The following PARL variants were observed in gnomAD, a reference collection of about 807,000 sequenced individuals.
PARL encodes presenilin associated rhomboid like.
A neutral mutation model predicts 51.6 loss-of-function variants in PARL; 44 were observed. That is an observed-to-expected ratio of 0.85 (90% CI 0.67 to 1.10). The LOEUF (loss-of-function observed/expected upper bound fraction) is 1.10. Ranked by LOEUF, PARL falls within the 50% of genes least tolerant of loss-of-function variation. The probability of loss-of-function intolerance (pLI) is 0.00; values close to 1 mark genes in which losing one functional copy is unlikely to be tolerated. For synonymous variants in PARL, 172 were observed against 164.0 expected (o/e 1.05, Z -0.37); for missense variants, 441 against 469.5 (o/e 0.94, Z 0.56).
At chr3:183,832,116 T>A (rs1728008618) in intron 9 of PARL, among the ~76,000 whole-genome samples, 1 of 152,194 alleles carries the variant, frequency 6.6e-6, no homozygotes, top group Non-Finnish European at 1.5e-5. Context: ...AGACCTTGCA[T>A]ATACTACATA....
chr3:183,866,641 CCTT>C lies in PARL; in HGVS notation c.443_445del (p.Glu148del), dbSNP rs781589840. On this transcript the variant is annotated inframe_deletion, in exon 3 of 10. Coordinates refer to ENST00000317096, the MANE Select transcript of PARL (RefSeq NM_018622.7). ...TATCTTTACCTCCTTTCTGAAGTCT[CCTT>C]CTTTTTGTGGTCTTATGCTATCCAA... 16 of 1,611,620 alleles carry C rather than the reference CCTT, an allele frequency of 9.9e-6. No homozygotes were observed. In the Admixed American group the frequency reaches 1.7e-4, roughly 17 times the overall value.
intron 7 of PARL, among the ~76,000 whole-genome samples, chr3:183,835,694 C>A (rs1227227806): frequency 2.0e-5 from 3 of 152,034 alleles, no homozygotes; most frequent in Non-Finnish European, 2.9e-5. Flanking sequence ...TAGTGAAACC[C>A]CGTCTCTACT....
rs188569462 is a variant in PARL at position 183,859,367 on chromosome 3, T to C, written c.511+3386A>G. ...TTTGTTGTTGTTTTGAGACAGAGTC[T>C]CACTCTACTGCCCAGGCTGGAGGGC... On this transcript the variant is annotated intron_variant, in intron 4 of 9. Transcript: ENST00000317096. 1.6e-4 allele frequency among the ~76,000 whole-genome samples: 24 copies of C among 152,268 alleles called. No individual in the cohort carries two copies. In the East Asian group the frequency reaches 2.5e-3, roughly 16 times the overall value.
intron 3 of PARL, 138 bp downstream of exon 3, chr3:183,866,487 T>C (rs771679599): frequency 2.4e-5 from 18 of 736,642 alleles, no homozygotes; most frequent in African/African-American, 1.7e-4. Flanking sequence ...TTTAAGGTGA[T>C]AGATATTCAG....
At chr3:183,831,165 G>A (rs1338679265) in intron 9 of PARL, among the ~76,000 whole-genome samples, 1 of 152,062 alleles carries the variant, frequency 6.6e-6, no homozygotes, top group Non-Finnish European at 1.5e-5. Flanking sequence ...TAGTAGAGAC[G>A]AGGTTTCCCC....
chr3:183,838,201 A>T (rs1041562931), intron 7 of PARL, among the ~76,000 whole-genome samples: 1 of 151,254 alleles, frequency 6.6e-6, no homozygotes, highest in African/African-American at 2.4e-5. Flanking sequence ...TAATTTTGAA[A>T]TTTTTTGTAG....
Position 183,829,362 on chromosome 3 carries a change from C to G in PARL, c.*236G>C. The G allele has an allele frequency of 1.4e-6, 2 of 1,397,828 alleles. No individual in the cohort carries two copies. The allele number at this position is 1,397,828 out of a possible 1,614,324, so 86.6% of individuals were successfully genotyped here. A position where few individuals can be genotyped will look rare whatever the true frequency, so the allele number is the denominator to read the frequency against. ...AGCAAAATGCCAGAGCCGTGTCGGCCCCTTAAAGAGAGAACACACACATCT... is the reference window on the plus strand; with the variant it reads ...AGCAAAATGCCAGAGCCGTGTCGGCGCCTTAAAGAGAGAACACACACATCT... On this transcript the variant is annotated 3_prime_UTR_variant, in exon 10 of 10. Coordinates refer to ENST00000317096, the MANE Select transcript of PARL (RefSeq NM_018622.7).
chr3:183,869,005 C>A (rs768180850), intron 1 of PARL, among the ~76,000 whole-genome samples: 2 of 152,110 alleles, frequency 1.3e-5, no homozygotes, highest in Non-Finnish European at 2.9e-5. Context: ...CTGATCATGC[C>A]TCCTAGTCCT....
At chr3:183,849,543 T>A (rs886195790) in intron 4 of PARL, among the ~76,000 whole-genome samples, 1 of 151,778 alleles carries the variant, frequency 6.6e-6, no homozygotes, top group Non-Finnish European at 1.5e-5. Flanking sequence ...AATGCCCACA[T>A]TAAAAAAAGA....
Position 183,842,341 on chromosome 3 carries a change from G to A in PARL, c.714C>T (p.Asn238=). 6.2e-7 allele frequency: 1 copy of A among 1,613,408 alleles called. No homozygotes were observed. Among genetic ancestry groups the A allele is most frequent in the Non-Finnish European group, 8.5e-7 (1 of 1,179,842 alleles). The change falls in exon 6 of 10, where the codon AAC becomes AAT. Residue 238 remains asparagine, a synonymous_variant. Transcript: ENST00000317096. ...CCATGAACTGCTCTTGACCCAGAAT[G>A]TTCACTATGCTGGAAGAGAAGCTCC... ...VLWSFSSSIV[N]ILGQEQFMAV...
chr3:183,834,510 T>G (rs1198636956), intron 7 of PARL, among the ~76,000 whole-genome samples: 3 of 152,210 alleles, frequency 2.0e-5, no homozygotes, highest in African/African-American at 7.2e-5. Flanking sequence ...TACTAGTATA[T>G]GCTGTATGGT....
intron 3 of PARL, 66 bp from the exon 4 acceptor site, chr3:183,862,867 G>C: frequency 8.0e-7 from 1 of 1,249,472 alleles, no homozygotes; most frequent in Non-Finnish European, 1.2e-6. Context: ...TGAAAAACCA[G>C]AAGAAAATGC....
At chr3:183,848,676 G>C (rs1577320621) in intron 4 of PARL, among the ~76,000 whole-genome samples, 1 of 152,070 alleles carries the variant, frequency 6.6e-6, no homozygotes, top group Admixed American at 6.6e-5. Flanking sequence ...CCACTTTCAG[G>C]GCTGTCTGTT....
chr3:183,834,021 G>A (rs1260663835), intron 7 of PARL, among the ~76,000 whole-genome samples, 196 bp from the exon 8 acceptor site: 2 of 152,308 alleles, frequency 1.3e-5, no homozygotes, highest in East Asian at 3.9e-4. Context: ...CACAGTAATC[G>A]CTTGGAAAGA....
chr3:183,830,848 C>T (rs751979565), intron 9 of PARL, among the ~76,000 whole-genome samples: 1 of 152,170 alleles, frequency 6.6e-6, no homozygotes. Flanking sequence ...AATAAAAATT[C>T]TCTGTGCTTA....
intron 1 of PARL, among the ~76,000 whole-genome samples, chr3:183,875,886 T>C (rs181297283): frequency 4.7e-4 from 72 of 152,298 alleles, no homozygotes; most frequent in African/African-American, 1.7e-3. Flanking sequence ...ACTAATGCTG[T>C]TGGTGACTAA....
At chr3:183,826,690 T>C (rs1727433752), downstream of PARL, 1 of 984,916 alleles carries the variant, frequency 1.0e-6, no homozygotes, top group East Asian at 1.1e-4. Context: ...CCAGGCCATG[T>C]CCCAGCAGGC....
intron 4 of PARL, among the ~76,000 whole-genome samples, chr3:183,846,995 T>C (rs2108624090): frequency 6.6e-6 from 1 of 152,340 alleles, no homozygotes; most frequent in South Asian, 2.1e-4. Flanking sequence ...GGATTTATTT[T>C]GACCTTGGTC....
rs1433096329 is a variant in PARL, at chr3:183,873,544, G to A, written c.126-5484C>T. Among the ~76,000 whole-genome samples the A allele has an allele frequency of 2.1e-4, 22 of 107,262 alleles. 1 individual carries two copies. The highest frequency in any genetic ancestry group is 5.3e-4 in the South Asian group (2 of 3,742). The allele number at this position is 107,262 out of a possible 152,430, so 70.4% of individuals were successfully genotyped here. A position where few individuals can be genotyped will look rare whatever the true frequency, so the allele number is the denominator to read the frequency against. ...CTCCTGAGTGACAGAGCAAGACTCC[G>A]TCTCAAAAAAAAAAAAATTAATTAA... On this transcript the variant is annotated intron_variant, in intron 1 of 9. Coordinates refer to ENST00000317096, the MANE Select transcript of PARL (RefSeq NM_018622.7).
Sources: allele counts gnomAD v4.1 joint callset (sites outside exome capture counted in the v4.1 genomes callset), GRCh38; gene constraint gnomAD v4.1.1; transcripts MANE v1.5; gene names NCBI Gene and HGNC (gene_info 2026-07-23, HGNC 2026-07-21).